Variants in CFAP92 observed in about 807,000 individuals in gnomAD.
The protein encoded by CFAP92 is cilia and flagella associated protein 92 (putative), also known as uncharacterized protein CFAP92.
In CFAP92, 86 loss-of-function variants were observed where a neutral mutation model predicts 106.3. That is an observed-to-expected ratio of 0.81 (90% CI 0.68 to 0.97). The LOEUF is 0.97. CFAP92 is among the 50% of genes least tolerant of loss of function. The pLI, the probability that CFAP92 is intolerant of heterozygous loss-of-function variation, is 0.00. For synonymous variants in CFAP92, 477 were observed against 506.4 expected, an observed-to-expected ratio of 0.94 and a Z score of 0.78; for missense variants, 1,204 against 1,283.8, an observed-to-expected ratio of 0.94 and a Z score of 0.95.
chr3:129,019,764 CTTTTT>C, the CFAP92 span, among the ~76,000 whole-genome samples: 6 of 107,430 alleles, frequency 5.6e-5, no homozygotes, highest in East Asian at 1.2e-3. Flanking sequence ...ATTAAATTTA[CTTTTT>C]TTTTTTTTTT....
At chr3:128,952,693 G>A (rs1400622731) in intron 9 of CFAP92, among the ~76,000 whole-genome samples, 1 of 152,002 alleles carries the variant, frequency 6.6e-6, no homozygotes, top group Non-Finnish European at 1.5e-5. Flanking sequence ...AGGTGGCAGG[G>A]TCACTTGAGC....
chr3:129,016,461 A>G, the CFAP92 span, among the ~76,000 whole-genome samples: 1 of 151,776 alleles, frequency 6.6e-6, no homozygotes, highest in Admixed American at 6.6e-5. Context: ...GAAGTCCACA[A>G]AAGGGAAGCT....
chr3:128,986,229 C>A (rs1368540541), intron 4 of CFAP92, among the ~76,000 whole-genome samples: 2 of 148,852 alleles, frequency 1.3e-5, no homozygotes, highest in Non-Finnish European at 3.0e-5. Context: ...CTAATATGTA[C>A]ATCTGTTTTA....
the CFAP92 span, among the ~76,000 whole-genome samples, chr3:129,014,905 C>T: frequency 2.0e-5 from 3 of 152,110 alleles, no homozygotes; most frequent in Non-Finnish European, 2.9e-5. This position sits in a 1 kb window ranked among gnomAD's most constrained non-coding sequence, Gnocchi z 4.3. Context: ...CCTGTACACA[C>T]GGAGTCCTGC....
chr3:128,913,232 G>A (rs1388432994), intron 15 of CFAP92: 2 of 365,590 alleles, frequency 5.5e-6, no homozygotes, highest in East Asian at 1.5e-4. Flanking sequence ...ACCCTGCAAG[G>A]AGGGCCCAGA....
At chr3:128,917,304 A>T (rs753979325) in intron 12 of CFAP92, among the ~76,000 whole-genome samples, 5 of 152,220 alleles carry the variant, frequency 3.3e-5, no homozygotes, top group African/African-American at 4.8e-5. Context: ...CATTCCTAGA[A>T]GTCCCCTGCT....
chr3:128,951,820 C>T (rs1465550772), intron 9 of CFAP92, among the ~76,000 whole-genome samples: 1 of 152,206 alleles, frequency 6.6e-6, no homozygotes. Context: ...GACTTCTACC[C>T]TCACTGACTT....
the CFAP92 span, among the ~76,000 whole-genome samples, chr3:129,021,604 G>A: frequency 6.6e-6 from 1 of 150,852 alleles, no homozygotes; most frequent in African/African-American, 2.5e-5. Flanking sequence ...AAAAAACACT[G>A]GCAGTCCTTA....
intron 10 of CFAP92, among the ~76,000 whole-genome samples, chr3:128,942,406 C>G (rs142865379): frequency 1.8e-3 from 269 of 152,324 alleles, no homozygotes; most frequent in African/African-American, 6.0e-3. Context: ...CCAGGGGGCT[C>G]CACTGCACAG....
intron 15 of CFAP92, chr3:128,913,072 C>G (rs976574348): frequency 4.4e-6 from 2 of 453,972 alleles, no homozygotes; most frequent in Non-Finnish European, 8.8e-6. Context: ...TACCAGGAAC[C>G]ATTTAACAAA....
Position 128,916,283 on chromosome 3 carries a change from G to A in CFAP92, c.2752-12C>T. The A allele has an allele frequency of 8.1e-7, 1 of 1,232,018 alleles. No homozygotes were observed. The highest frequency in any genetic ancestry group is 1.0e-6 in the Non-Finnish European group (1 of 987,894). The allele number at this position is 1,232,018 out of a possible 1,614,324, so 76.3% of individuals were successfully genotyped here. A position where few individuals can be genotyped will look rare whatever the true frequency, so the allele number is the denominator to read the frequency against. On this transcript the variant is annotated splice_polypyrimidine_tract_variant and intron_variant, in intron 12 of 15. Coordinates refer to ENST00000645291, the MANE Select transcript of CFAP92 (RefSeq NM_001394090.1). ...TCTGTGATATTTTTCTGAAGAAAGA[G>A]ACACCAGTCACTACCCACACCAGGT...
chr3:128,949,510 C>T (rs1297426778), intron 9 of CFAP92, among the ~76,000 whole-genome samples: 2 of 152,152 alleles, frequency 1.3e-5, no homozygotes, highest in African/African-American at 4.8e-5. Context: ...AACACAGAGC[C>T]CCATTTACAT....
chr3:128,921,718 A>G (rs947922120), intron 12 of CFAP92, among the ~76,000 whole-genome samples: 14 of 152,224 alleles, frequency 9.2e-5, no homozygotes, highest in African/African-American at 3.1e-4. Flanking sequence ...AATCAGTGTC[A>G]TTCTAAATTT....
the CFAP92 span, among the ~76,000 whole-genome samples, chr3:129,024,017 T>C: frequency 6.6e-6 from 1 of 152,192 alleles, no homozygotes; most frequent in Non-Finnish European, 1.5e-5. Context: ...TGGCCTGGCC[T>C]TTCCTTGCAC....
chr3:128,964,500 T>C (rs921904894), intron 9 of CFAP92, among the ~76,000 whole-genome samples: 4 of 152,222 alleles, frequency 2.6e-5, no homozygotes, highest in African/African-American at 9.6e-5. Flanking sequence ...CTCCAAGCCA[T>C]CACAGCTGAT....
At chr3:128,964,884 C>A (rs1942254523) in intron 9 of CFAP92, among the ~76,000 whole-genome samples, 1 of 152,130 alleles carries the variant, frequency 6.6e-6, no homozygotes, top group Admixed American at 6.6e-5. Flanking sequence ...CCACACCACC[C>A]CCCAAAAATT....
At chr3:128,987,457 T>G (rs1470693343) in intron 4 of CFAP92, among the ~76,000 whole-genome samples, 159 bp downstream of exon 4, 3 of 152,140 alleles carry the variant, frequency 2.0e-5, no homozygotes. Flanking sequence ...GCGCTTCCTG[T>G]CACCACAGCA....
At chr3:129,002,122 C>T in intron 1 of CFAP92, 1 of 1,477,494 alleles carries the variant, frequency 6.8e-7, no homozygotes, top group Non-Finnish European at 8.9e-7. Flanking sequence ...CCCCGCGGCG[C>T]TCTCAGCGAG....
intron 4 of CFAP92, among the ~76,000 whole-genome samples, chr3:128,979,971 T>A (rs1403801115): frequency 2.5e-4 from 27 of 109,626 alleles, no homozygotes; most frequent in Non-Finnish European, 3.9e-4. Flanking sequence ...TATATATATA[T>A]AAAAGAAAAA....
Sources: allele counts gnomAD v4.1 joint callset (sites outside exome capture counted in the v4.1 genomes callset), GRCh38; gene constraint gnomAD v4.1.1; non-coding constraint Gnocchi (gnomAD v3.1); transcripts MANE v1.5; gene names NCBI Gene and HGNC (gene_info 2026-07-23, HGNC 2026-07-21).